VLDLR: variants seen among roughly 807,000 people sequenced by gnomAD.
The protein encoded by VLDLR is very low density lipoprotein receptor, also known as very low-density lipoprotein receptor.
VLDLR carries 81 observed loss-of-function variants against 112.7 expected under a neutral mutation model. The observed-to-expected ratio is 0.72, with a 90% CI of 0.60 to 0.86. The LOEUF is 0.86. VLDLR is among the 40% of genes least tolerant of loss of function. The pLI, the probability that VLDLR is intolerant of heterozygous loss-of-function variation, is 0.00. For synonymous variants in VLDLR, 436 were observed against 384.8 expected (o/e 1.13, Z -1.56); for missense variants, 1,237 against 1,099.4 (o/e 1.13, Z -1.77).
intron 15 of VLDLR, 97 bp downstream of exon 15, chr9:2,650,613 C>T: frequency 3.3e-6 from 5 of 1,517,296 alleles, no homozygotes; most frequent in Non-Finnish European, 4.5e-6. Context: ...TTAGCTAATT[C>T]TTTGAATAGA....
chr9:2,624,356 C>G (rs1816986082), intron 1 of VLDLR, among the ~76,000 whole-genome samples: 1 of 152,182 alleles, frequency 6.6e-6, no homozygotes, highest in Non-Finnish European at 1.5e-5. Flanking sequence ...ACTTTCTACC[C>G]TGGAGCTTCT....
chr9:2,629,106 A>G (rs1173139707), intron 1 of VLDLR, among the ~76,000 whole-genome samples: 1 of 152,210 alleles, frequency 6.6e-6, no homozygotes, highest in African/African-American at 2.4e-5. Context: ...TAGAAATGCA[A>G]ACTTAGGCCC....
intron 3 of VLDLR, among the ~76,000 whole-genome samples, chr9:2,640,282 T>C (rs1817769513): frequency 6.6e-6 from 1 of 152,198 alleles, no homozygotes; most frequent in Non-Finnish European, 1.5e-5. Context: ...AATGTCTGTT[T>C]ATAATAACTG....
At chr9:2,652,711 C>T (rs147306272) in intron 17 of VLDLR, 69 bp from the exon 18 acceptor site, 41 of 1,591,984 alleles carry the variant, frequency 2.6e-5, no homozygotes, top group Middle Eastern at 1.7e-4. Context: ...GATTCCTGAA[C>T]GTTATTACCT....
intron 2 of VLDLR, 67 bp downstream of exon 2, chr9:2,635,639 A>G: frequency 6.2e-7 from 1 of 1,606,870 alleles, no homozygotes; most frequent in Admixed American, 1.7e-5. Flanking sequence ...CTGCAAATGT[A>G]TTGAGATTCT....
chr9:2,657,983 T>A lies in VLDLR; in HGVS notation c.*4115T>A, dbSNP rs1182854967. On this transcript the variant is annotated 3_prime_UTR_variant, in exon 19 of 19. Coordinates refer to ENST00000382100, the MANE Select transcript of VLDLR (RefSeq NM_003383.5). ...ATATCATGGGCCTAAACTATGAGAG[T>A]TCAGAAATATATAAAAGTACAAAAA... 1 of 151,886 alleles carries A rather than the reference T, an allele frequency of 6.6e-6. No homozygotes were observed. Among genetic ancestry groups the A allele is most frequent in the East Asian group, 1.9e-4 (1 of 5,184 alleles). 9.4% of individuals were successfully genotyped at this position (151,886 alleles called of 1,614,324 possible). A position where few individuals can be genotyped will look rare whatever the true frequency, so the allele number is the denominator to read the frequency against.
rs138649440 is a variant in VLDLR, at chr9:2,643,182, C to T, written c.471C>T (p.Asp157=). 126 of 1,612,954 alleles carry T rather than the reference C, an allele frequency of 7.8e-5. 2 individuals are homozygous for T. The highest frequency in any genetic ancestry group is 4.7e-4 in the South Asian group (43 of 91,086). The change falls in exon 5 of 19, where the codon GAC becomes GAT. Residue 157 remains aspartate (D), a synonymous_variant. Transcript: ENST00000382100. ...TAGGCAATATAACATGTAGTCCCGA[C>T]GAGTTCACCTGCTCCAGTGGCCGCT... The part of the protein sequence containing the change: ...ENCGNITCSP[D]EFTCSSGRCI...
intron 1 of VLDLR, among the ~76,000 whole-genome samples, chr9:2,623,362 C>T (rs564037701): frequency 1.7e-4 from 26 of 152,362 alleles, no homozygotes; most frequent in African/African-American, 5.8e-4. Flanking sequence ...TCAGATGTGA[C>T]GCCGAGGGGC....
Position 2,651,447 on chromosome 9 carries a change from A to G in VLDLR, c.2284A>G (p.Lys762Glu). The G allele has an allele frequency of 6.2e-7, 1 of 1,614,072 alleles. No individual in the cohort carries two copies. Among genetic ancestry groups the G allele is most frequent in the Non-Finnish European group, 8.5e-7 (1 of 1,179,994 alleles). The change falls in exon 16 of 19, where the codon AAA (lysine) becomes GAA (glutamate). Residue 762 changes from lysine to glutamate, a missense_variant. Physicochemically the swap from Lys to Glu is moderately conservative, Grantham distance 56. Transcript: ENST00000382100. ...TATTVTYSETKDTNTTEISAT... is the reference protein window; with the variant it reads ...TATTVTYSETEDTNTTEISAT... ...AACTACTGTGACTTACAGTGAGACA[A>G]AAGATACGAACACAACAGAAATTTC...
At chr9:2,645,930 A>C (rs958110635) in intron 10 of VLDLR, among the ~76,000 whole-genome samples, 185 bp downstream of exon 10, 2 of 152,156 alleles carry the variant, frequency 1.3e-5, no homozygotes, top group African/African-American at 4.8e-5. Flanking sequence ...GAAACTAACA[A>C]TTGTCTATGA....
In VLDLR at chr9:2,658,989, C is replaced by T. The variant is rs1306232801; in HGVS notation, c.*5121C>T. The T allele has an allele frequency of 6.6e-6, 1 of 152,140 alleles. No individual in the cohort carries two copies. The highest frequency in any genetic ancestry group is 1.5e-5 in the Non-Finnish European group (1 of 68,018). 9.4% of individuals were successfully genotyped at this position (152,140 alleles called of 1,614,324 possible). Reference sequence around the variant, plus strand: ...CCCTAGAAACATAAATGGAATGTTTCTGCCTCAGTTCTTTTGACTACCTCC... The same window carrying T: ...CCCTAGAAACATAAATGGAATGTTTTTGCCTCAGTTCTTTTGACTACCTCC... On this transcript the variant is annotated 3_prime_UTR_variant, in exon 19 of 19. Coordinates refer to ENST00000382100, the MANE Select transcript of VLDLR (RefSeq NM_003383.5).
Position 2,647,590 on chromosome 9 carries a change from T to G in VLDLR, c.1820T>G (p.Leu607Arg). 2 of 1,611,750 alleles carry G rather than the reference T, an allele frequency of 1.2e-6. No homozygotes were observed. The highest frequency in any genetic ancestry group is 1.7e-6 in the Non-Finnish European group (2 of 1,177,826). Reference sequence around the variant, plus strand: ...ATCCAGTGGCCTAACGGAATTACACTTGGTATGTATGTTCTTCCTTCTCGA... The same window carrying G: ...ATCCAGTGGCCTAACGGAATTACACGTGGTATGTATGTTCTTCCTTCTCGA... ...ADIQWPNGIT[L>R]DLIKSRLYWL... is the part of the protein sequence containing the mutation. The change falls in exon 12 of 19, where the codon CTT becomes CGT. Residue 607 changes from leucine to arginine, a missense_variant and splice_region_variant. By Grantham distance (102) the Leu-to-Arg change is moderately radical (BLOSUM62 -2). Transcript: ENST00000382100.
In VLDLR at chr9:2,658,119, A is replaced by G. The variant is rs1818671355; in HGVS notation, c.*4251A>G. 1 of 152,214 alleles carries G rather than the reference A, an allele frequency of 6.6e-6. No individual in the cohort carries two copies. Among genetic ancestry groups the G allele is most frequent in the African/African-American group, 2.4e-5 (1 of 41,456 alleles). 9.4% of individuals were successfully genotyped at this position (152,214 alleles called of 1,614,324 possible). On this transcript the variant is annotated 3_prime_UTR_variant, in exon 19 of 19. Transcript: ENST00000382100. ...CCAGCCTGGAGGATTTTTAGCCGAA[A>G]CAGTTGCATGTGAAGGATTATCAGC...
intron 1 of VLDLR, among the ~76,000 whole-genome samples, chr9:2,631,392 C>T (rs889287207): frequency 6.6e-6 from 1 of 152,026 alleles, no homozygotes; most frequent in Admixed American, 6.6e-5. Flanking sequence ...TTCACAGTAA[C>T]AAAGATACAG....
intron 4 of VLDLR, among the ~76,000 whole-genome samples, chr9:2,642,637 A>T (rs1445255007): frequency 6.6e-6 from 1 of 152,212 alleles, no homozygotes; most frequent in African/African-American, 2.4e-5. Context: ...GACTTTTTCA[A>T]AATGGAAAGT....
Position 2,651,859 on chromosome 9 carries a change from T to G in VLDLR, c.2336-15T>G, listed in dbSNP as rs2130808599. On this transcript the variant is annotated splice_polypyrimidine_tract_variant and intron_variant, in intron 16 of 18. Transcript: ENST00000382100. ...TACAGATCCTTCTAAACTGATTCCT[T>G]TTATTCCTCTGTAGGGATCAATGTG... 6.2e-7 allele frequency: 1 copy of G among 1,614,008 alleles called. No homozygotes were observed. Among genetic ancestry groups the G allele is most frequent in the Non-Finnish European group, 8.5e-7 (1 of 1,179,898 alleles).
In VLDLR at chr9:2,645,635, GA is replaced by G; in HGVS notation, c.1377del (p.Glu460AsnfsTer5). 2 of 1,614,172 alleles carry G rather than the reference GA, an allele frequency of 1.2e-6. No individual in the cohort carries two copies. Among genetic ancestry groups the G allele is most frequent in the Non-Finnish European group, 1.7e-6 (2 of 1,180,046 alleles). On this transcript the variant is annotated frameshift_variant, in exon 10 of 19. Coordinates refer to ENST00000382100, the MANE Select transcript of VLDLR (RefSeq NM_003383.5). LOFTEE classifies it high-confidence loss of function. The part of the protein sequence containing the change: ...RDIRKIGLER[K>X]EYIQLVEQLR... ...ACATCAGGAAGATTGGCTTAGAGAG[GA>G]AAGAATATATCCAACTAGTTGAACA...
Position 2,651,855 on chromosome 9 carries a change from TC to T in VLDLR, c.2336-17del, listed in dbSNP as rs1563767701. ...TGAATACAGATCCTTCTAAACTGAT[TC>T]CTTTTATTCCTCTGTAGGGATCAAT... is the stretch of plus-strand genomic sequence containing the variant. On this transcript the variant is annotated intron_variant, in intron 16 of 18. Coordinates refer to ENST00000382100, the MANE Select transcript of VLDLR (RefSeq NM_003383.5). 1 of 1,613,856 alleles carries T rather than the reference TC, an allele frequency of 6.2e-7. No homozygotes were observed. Among genetic ancestry groups the T allele is most frequent in the South Asian group, 1.1e-5 (1 of 91,078 alleles).
At chr9:2,647,264 A>G (rs191487812) in intron 11 of VLDLR, among the ~76,000 whole-genome samples, 1 of 152,216 alleles carries the variant, frequency 6.6e-6, no homozygotes, top group African/African-American at 2.4e-5. Flanking sequence ...ATGTCAGACA[A>G]ACATAGATTA....
Sources: gnomAD v4.1 joint callset for allele counts (sites outside exome capture counted in the v4.1 genomes callset) on GRCh38, gnomAD v4.1.1 for gene constraint, MANE v1.5 for transcripts, NCBI Gene and HGNC (gene_info 2026-07-23, HGNC 2026-07-21) for gene names.